Variants in SPEN observed in about 807,000 individuals in gnomAD.
SPEN encodes msx2-interacting protein.
A neutral mutation model predicts 269.9 loss-of-function variants in SPEN; 18 were observed. The ratio of observed to expected loss-of-function variants is 0.07; its 90% CI spans 0.05 to 0.10. The LOEUF (loss-of-function observed/expected upper bound fraction) is 0.10, where lower values mean the gene tolerates loss of function less well. SPEN is among the 10% of genes least tolerant of loss of function. The pLI, the probability that SPEN is intolerant of heterozygous loss-of-function variation, is 1.00. For missense variants in SPEN, 3,822 were observed against 4,631.2 expected (o/e 0.83, Z 5.07); for synonymous variants, 1,726 against 1,765.7 (o/e 0.98, Z 0.56).
intron 1 of SPEN, among the ~76,000 whole-genome samples, chr1:15,870,427 G>T (rs925537960): frequency 2.0e-5 from 3 of 151,986 alleles, no homozygotes; most frequent in Admixed American, 2.0e-4. Flanking sequence ...GTAAAGATGG[G>T]ATCTCATTCC....
chr1:15,894,812 C>T (rs1362043096), intron 3 of SPEN, among the ~76,000 whole-genome samples: 2 of 151,770 alleles, frequency 1.3e-5, no homozygotes, highest in East Asian at 3.9e-4. Flanking sequence ...GGATTACAAG[C>T]GTGAGCCACC....
rs1455454546 is a variant in SPEN, at chr1:15,940,330, T to C, written c.*903T>C. 3 of 233,150 alleles carry C rather than the reference T, an allele frequency of 1.3e-5. No individual in the cohort carries two copies. The highest frequency in any genetic ancestry group is 1.2e-3 in the Middle Eastern group (1 of 806). The allele number at this position is 233,150 out of a possible 1,614,324, so 14.4% of individuals were successfully genotyped here. ...GTACAAAAAGACTGGCTAACCCCTCTTCCTATTACCTTGATCTCTTCCCCC... is the reference window on the plus strand; with the variant it reads ...GTACAAAAAGACTGGCTAACCCCTCCTCCTATTACCTTGATCTCTTCCCCC... On this transcript the variant is annotated 3_prime_UTR_variant, in exon 15 of 15. Coordinates refer to ENST00000375759, the MANE Select transcript of SPEN (RefSeq NM_015001.3).
At position 15,929,279 on chromosome 1, in the gene SPEN, C is replaced by G; in HGVS notation, c.3039C>G (p.Arg1013=). 6.2e-7 allele frequency: 1 copy of G among 1,614,140 alleles called. No individual in the cohort carries two copies. The highest frequency in any genetic ancestry group is 8.5e-7 in the Non-Finnish European group (1 of 1,180,020). Reference sequence around the variant, plus strand: ...GCAGTCCAGAGATGGAGGATGCTCGCGTGCTTTCAAAAAAGCAGCCTGACG... The same window carrying G: ...GCAGTCCAGAGATGGAGGATGCTCGGGTGCTTTCAAAAAAGCAGCCTGACG... ...KKSSPEMEDA[R]VLSKKQPDVS... The change falls in exon 11 of 15, where the codon CGC becomes CGG. Residue 1013 remains arginine (R), a synonymous_variant. Coordinates refer to ENST00000375759, the MANE Select transcript of SPEN (RefSeq NM_015001.3). The surrounding 1 kb of genome is among the most constrained non-coding windows in gnomAD (Gnocchi z 5.8).
At chr1:15,921,190 T>C (rs1002072303) in intron 9 of SPEN, among the ~76,000 whole-genome samples, 5 of 152,076 alleles carry the variant, frequency 3.3e-5, no homozygotes, top group African/African-American at 1.2e-4. Context: ...TTAGCCGGGC[T>C]TGGTGGCGCG....
At chr1:15,923,446 A>G (rs928619588) in intron 10 of SPEN, among the ~76,000 whole-genome samples, 3 of 152,152 alleles carry the variant, frequency 2.0e-5, no homozygotes, top group African/African-American at 7.2e-5. Context: ...TATGTGTTAG[A>G]CAAAAGGTTT....
intron 3 of SPEN, among the ~76,000 whole-genome samples, chr1:15,906,811 C>T (rs910002897): frequency 1.5e-5 from 2 of 132,752 alleles, no homozygotes; most frequent in South Asian, 2.4e-4. Context: ...GAGTCTCTCT[C>T]TGTTGCCTAG....
chr1:15,860,832 C>T (rs2070440940), intron 1 of SPEN, among the ~76,000 whole-genome samples: 1 of 151,890 alleles, frequency 6.6e-6, no homozygotes. Flanking sequence ...GATAACCTGA[C>T]CTTGTCATCC....
chr1:15,856,398 A>G (rs2070388367), intron 1 of SPEN, among the ~76,000 whole-genome samples: 1 of 152,050 alleles, frequency 6.6e-6, no homozygotes, highest in Non-Finnish European at 1.5e-5. Flanking sequence ...ACTGGGATCT[A>G]ATATTTCCTT....
At chr1:15,919,583 C>A in intron 8 of SPEN, 66 bp downstream of exon 8, 1 of 970,032 alleles carries the variant, frequency 1.0e-6, no homozygotes, top group Non-Finnish European at 1.5e-6. Context: ...TCTCTCCTTT[C>A]AGTCTCAGTT....
Position 15,932,762 on chromosome 1 carries a change from C to G in SPEN, c.6522C>G (p.Ala2174=). The G allele has an allele frequency of 6.2e-7, 1 of 1,614,154 alleles. No homozygotes were observed. Among genetic ancestry groups the G allele is most frequent in the Non-Finnish European group, 8.5e-7 (1 of 1,180,032 alleles). ...CCAAGCAGATGGAGCTGGAGCAGGC[C>G]GTGGAACACATCGCAAAGCTCGCTG... ...QLAKQMELEQ[A]VEHIAKLAEA... The change falls in exon 11 of 15, where the codon GCC becomes GCG. Residue 2174 remains alanine (A), a synonymous_variant. Transcript: ENST00000375759. This position sits in a 1 kb window ranked among gnomAD's most constrained non-coding sequence, Gnocchi z 4.2.
intron 1 of SPEN, among the ~76,000 whole-genome samples, chr1:15,871,852 TAA>T (rs1401780484): frequency 6.6e-6 from 1 of 152,204 alleles, no homozygotes; most frequent in Non-Finnish European, 1.5e-5. Flanking sequence ...TATTTTAATA[TAA>T]GTTTTACAGA....
chr1:15,891,276 T>C (rs994582224), intron 3 of SPEN, among the ~76,000 whole-genome samples: 2 of 151,896 alleles, frequency 1.3e-5, no homozygotes, highest in Non-Finnish European at 2.9e-5. Flanking sequence ...AACCTTGAAC[T>C]CCTGGGCTCA....
intron 1 of SPEN, among the ~76,000 whole-genome samples, chr1:15,864,465 G>A (rs770344081): frequency 5.8e-5 from 8 of 137,314 alleles, no homozygotes; most frequent in South Asian, 4.6e-4. Flanking sequence ...CCTCTGTGCC[G>A]GCCGGTTTTT....
At chr1:15,917,109 C>G (rs2071074345) in intron 6 of SPEN, among the ~76,000 whole-genome samples, 1 of 152,158 alleles carries the variant, frequency 6.6e-6, no homozygotes, top group Non-Finnish European at 1.5e-5. Flanking sequence ...GCGTGGGTGA[C>G]AGAGTGAGAC....
At chr1:15,887,156 TG>T (rs2070743503) in intron 3 of SPEN, among the ~76,000 whole-genome samples, 1 of 152,020 alleles carries the variant, frequency 6.6e-6, no homozygotes, top group African/African-American at 2.4e-5. Flanking sequence ...TTGTATTTTT[TG>T]TAGAGATGGA....
intron 3 of SPEN, among the ~76,000 whole-genome samples, chr1:15,895,983 C>T (rs1452236560): frequency 6.6e-6 from 1 of 151,718 alleles, no homozygotes; most frequent in African/African-American, 2.4e-5. Context: ...CATGCCCGGC[C>T]TATACTTAAT....
intron 3 of SPEN, among the ~76,000 whole-genome samples, chr1:15,894,349 A>G (rs1379990822): frequency 6.6e-6 from 1 of 152,134 alleles, no homozygotes; most frequent in Non-Finnish European, 1.5e-5. Flanking sequence ...TTCAGGGAGC[A>G]TGCATGTTTG....
rs2071264069 is a variant in SPEN, at chr1:15,935,332, C to T, written c.9092C>T (p.Pro3031Leu). Reference protein sequence around the residue: ...LDAHSPRPSGPGPSSFPRASH... With the variant: ...LDAHSPRPSGLGPSSFPRASH... The stretch of plus-strand genomic sequence containing the variant: ...GCTCATTCTCCTCGACCAAGTGGAC[C>T]CGGGCCATCCTCATTCCCAAGGGCA... Residue 3031 changes from proline to leucine, a missense_variant, in exon 11 of 15, where the codon CCC becomes CTC. Transcript: ENST00000375759. This position sits in a 1 kb window ranked among gnomAD's most constrained non-coding sequence, Gnocchi z 7.7. 2.5e-6 allele frequency: 4 copies of T among 1,614,090 alleles called. No individual in the cohort carries two copies. Among genetic ancestry groups the T allele is most frequent in the South Asian group, 1.1e-5 (1 of 91,086 alleles).
In SPEN at chr1:15,919,408, GT is replaced by G; in HGVS notation, c.1530del (p.Phe510LeufsTer12). ...AATTTTGCCTTTTATATTCAGCTGG[GT>G]TTTGGAAAGAGCATGCCTACAAACT... ...EYLGNNRLKL[G>X]FGKSMPTNCV... On this transcript the variant is annotated frameshift_variant, in exon 8 of 15. Transcript: ENST00000375759. LOFTEE classifies it high-confidence loss of function. 6.3e-7 allele frequency: 1 copy of G among 1,592,914 alleles called. No homozygotes were observed.
Sources: gnomAD v4.1 joint callset for allele counts (sites outside exome capture counted in the v4.1 genomes callset) on GRCh38, gnomAD v4.1.1 for gene constraint, Gnocchi (gnomAD v3.1) non-coding constraint, MANE v1.5 for transcripts, NCBI Gene and HGNC (gene_info 2026-07-23, HGNC 2026-07-21) for gene names.